ZNF804B: variants seen among roughly 807,000 people sequenced by gnomAD.
The protein encoded by ZNF804B is zinc finger protein 804B.
Under a neutral mutation model 101.4 loss-of-function variants are expected in ZNF804B, and 80 were observed. The ratio of observed to expected loss-of-function variants is 0.79; its 90% CI spans 0.66 to 0.95. The LOEUF (loss-of-function observed/expected upper bound fraction) is 0.95. ZNF804B is among the 40% of genes least tolerant of loss of function. The pLI is 0.00. For missense variants in ZNF804B, 1,673 were observed against 1,561.9 expected, an observed-to-expected ratio of 1.07 and a Z score of -1.20; for synonymous variants, 622 against 558.8, an observed-to-expected ratio of 1.11 and a Z score of -1.59.
intron 1 of ZNF804B, among the ~76,000 whole-genome samples, chr7:88,935,818 T>C (rs2116031128): frequency 6.6e-6 from 1 of 152,138 alleles, no homozygotes; most frequent in East Asian, 1.9e-4. Flanking sequence ...TCTGTTCAAC[T>C]ACTAATGACA....
intron 2 of ZNF804B, among the ~76,000 whole-genome samples, chr7:89,222,353 C>G (rs974756284): frequency 6.6e-6 from 1 of 151,846 alleles, no homozygotes; most frequent in African/African-American, 2.4e-5. Flanking sequence ...TAAATTATTG[C>G]TGAGGTCTTC....
At chr7:89,268,231 A>G (rs1790258386) in intron 2 of ZNF804B, among the ~76,000 whole-genome samples, 2 of 152,176 alleles carry the variant, frequency 1.3e-5, no homozygotes, top group Non-Finnish European at 2.9e-5. Flanking sequence ...ACAGACACAC[A>G]CAAATCACAA....
chr7:88,943,287 C>T (rs1394629256), intron 1 of ZNF804B, among the ~76,000 whole-genome samples: 2 of 151,860 alleles, frequency 1.3e-5, no homozygotes, highest in African/African-American at 2.4e-5. Flanking sequence ...CCCTTTCACC[C>T]ATCTCCAGGC....
intron 1 of ZNF804B, among the ~76,000 whole-genome samples, chr7:89,030,659 C>T (rs1009632233): frequency 7.2e-5 from 11 of 152,104 alleles, no homozygotes; most frequent in African/African-American, 2.7e-4. Context: ...ACGGTGTTTT[C>T]CATTTCCCTT....
rs1788967679 is a variant in ZNF804B at position 89,220,014 on chromosome 7, TGTGTATAC to T, written c.249+1720_249+1727del. 3.5e-5 allele frequency among the ~76,000 whole-genome samples: 5 copies of T among 142,636 alleles called. 1 individual carries two copies. Among genetic ancestry groups the T allele is most frequent in the African/African-American group, 1.3e-4 (5 of 37,896 alleles). 93.6% of individuals were successfully genotyped at this position (142,636 alleles called of 152,430 possible). ...GCATATATGTATATGCACATATATG[TGTGTATAC>T]ATATATATACGCACATATATGTGCA... On this transcript the variant is annotated intron_variant, in intron 2 of 3. Transcript: ENST00000333190.
chr7:89,290,852 T>C (rs1171787362), intron 2 of ZNF804B, among the ~76,000 whole-genome samples: 1 of 152,170 alleles, frequency 6.6e-6, no homozygotes, highest in Non-Finnish European at 1.5e-5. Context: ...AGTGCTGTGC[T>C]GGCTTCAAGT....
intron 1 of ZNF804B, among the ~76,000 whole-genome samples, chr7:88,856,530 T>C (rs1367450962): frequency 2.0e-5 from 3 of 152,148 alleles, no homozygotes; most frequent in Non-Finnish European, 4.4e-5. Context: ...GTTTTCTAGA[T>C]ACACAATCAT....
intron 1 of ZNF804B, among the ~76,000 whole-genome samples, chr7:89,092,175 A>C (rs1378597850): frequency 6.6e-6 from 1 of 151,010 alleles, no homozygotes; most frequent in Non-Finnish European, 1.5e-5. Flanking sequence ...GTATCCTCAC[A>C]TGGTGAAATA....
At chr7:89,040,044 G>A (rs1047544556) in intron 1 of ZNF804B, among the ~76,000 whole-genome samples, 1 of 151,776 alleles carries the variant, frequency 6.6e-6, no homozygotes, top group East Asian at 1.9e-4. Flanking sequence ...AGATTTTTCT[G>A]TTATTATTTA....
At chr7:89,153,048 A>T (rs1164388518) in intron 1 of ZNF804B, among the ~76,000 whole-genome samples, 1 of 152,084 alleles carries the variant, frequency 6.6e-6, no homozygotes, top group Admixed American at 6.6e-5. Context: ...CTAAGACTCA[A>T]AAGCAAATAC....
At chr7:89,332,812 A>G (rs904665090) in intron 3 of ZNF804B, among the ~76,000 whole-genome samples, 15 of 151,976 alleles carry the variant, frequency 9.9e-5, no homozygotes, top group Non-Finnish European at 2.2e-4. Context: ...TGCATTTATT[A>G]TAATTAGTCA....
intron 1 of ZNF804B, among the ~76,000 whole-genome samples, chr7:89,162,760 C>T (rs989317057): frequency 3.3e-5 from 5 of 149,846 alleles, no homozygotes; most frequent in East Asian, 2.0e-4. Flanking sequence ...CCCACTAACT[C>T]GTCATCTAGC....
intron 1 of ZNF804B, among the ~76,000 whole-genome samples, chr7:89,150,857 G>T (rs989579345): frequency 2.6e-5 from 4 of 152,048 alleles, no homozygotes; most frequent in African/African-American, 9.7e-5. Context: ...TCTTTGGATG[G>T]TATACAGATA....
Position 89,335,243 on chromosome 7 carries a change from A to C in ZNF804B, c.2261A>C (p.Lys754Thr). The part of the protein sequence containing the change: ...KREHHSVERH[K>T]RKCLKHNCFY... ...GAACACCACTCAGTTGAAAGGCACA[A>C]ACGGAAATGTCTAAAGCACAACTGC... The change falls in exon 4 of 4, where the codon AAA becomes ACA. Residue 754 changes from lysine to threonine, a missense_variant. Coordinates refer to ENST00000333190, the MANE Select transcript of ZNF804B (RefSeq NM_181646.5). 1 of 1,613,854 alleles carries C rather than the reference A, an allele frequency of 6.2e-7. No individual in the cohort carries two copies. The highest frequency in any genetic ancestry group is 1.3e-5 in the African/African-American group (1 of 75,026).
At chr7:88,930,992 G>C (rs920383494) in intron 1 of ZNF804B, among the ~76,000 whole-genome samples, 4 of 151,840 alleles carry the variant, frequency 2.6e-5, no homozygotes, top group Non-Finnish European at 5.9e-5. Flanking sequence ...TTTTTGGTCA[G>C]TAGCTTAAGA....
At chr7:88,766,162 C>T (rs1789980474) in intron 1 of ZNF804B, among the ~76,000 whole-genome samples, 1 of 152,008 alleles carries the variant, frequency 6.6e-6, no homozygotes. Flanking sequence ...AGAAAAAAAT[C>T]AGCTGGGCTC....
intron 1 of ZNF804B, among the ~76,000 whole-genome samples, chr7:89,171,323 T>TTCC (rs1791225808): frequency 8.8e-6 from 1 of 113,872 alleles, no homozygotes; most frequent in African/African-American, 3.2e-5. Flanking sequence ...CTTCTTCTTC[T>TTCC]TCTTCTTCTT....
chr7:89,268,421 T>C (rs559351397), intron 2 of ZNF804B, among the ~76,000 whole-genome samples: 3 of 152,238 alleles, frequency 2.0e-5, no homozygotes, highest in East Asian at 3.9e-4. Flanking sequence ...ATGTTAGACT[T>C]CTTTAGAGTC....
chr7:89,327,903 A>G (rs953923938), intron 3 of ZNF804B, among the ~76,000 whole-genome samples: 6 of 152,144 alleles, frequency 3.9e-5, no homozygotes, highest in African/African-American at 1.4e-4. Context: ...TCTGGCTGAC[A>G]AACAAGATGT....
Sources: allele counts gnomAD v4.1 joint callset (sites outside exome capture counted in the v4.1 genomes callset), GRCh38; gene constraint gnomAD v4.1.1; transcripts MANE v1.5; gene names NCBI Gene and HGNC (gene_info 2026-07-23, HGNC 2026-07-21).